Variants in KCTD8 observed in about 807,000 individuals in gnomAD.
KCTD8 encodes BTB/POZ domain-containing protein KCTD8.
Under a neutral mutation model 31.5 loss-of-function variants are expected in KCTD8, and 27 were observed. The observed-to-expected ratio is 0.86, with a 90% CI of 0.63 to 1.18. The LOEUF is 1.18. Ranked by LOEUF, KCTD8 falls within the 50% of genes most tolerant of loss-of-function variation. KCTD8 has a pLI of 0.00. For missense variants in KCTD8, 658 were observed against 647.7 expected (o/e 1.02, Z -0.17); for synonymous variants, 290 against 280.0 (o/e 1.04, Z -0.36).
At chr4:44,349,383 C>T (rs1432402887) in intron 1 of KCTD8, among the ~76,000 whole-genome samples, 1 of 152,126 alleles carries the variant, frequency 6.6e-6, no homozygotes, top group African/African-American at 2.4e-5. Context: ...AAGACAAAGC[C>T]TCAGCTAATC....
intron 1 of KCTD8, among the ~76,000 whole-genome samples, chr4:44,368,956 T>C (rs1472740630): frequency 1.3e-5 from 2 of 152,178 alleles, no homozygotes; most frequent in African/African-American, 2.4e-5. Context: ...GAGTCATCAG[T>C]ATAGCCACTC....
chr4:44,292,062 G>A lies in KCTD8; in HGVS notation c.962-116812C>T, dbSNP rs185024320. ...ATAAGTTATTCATCCACTGCGGAAA[G>A]CAGTACGCAGATTTAGTGAAGAACG... On this transcript the variant is annotated intron_variant, in intron 1 of 1. Transcript: ENST00000360029. 7.9e-5 allele frequency among the ~76,000 whole-genome samples: 12 copies of A among 151,074 alleles called. No homozygotes were observed. The East Asian group carries it at 2.3e-3, about 30-fold the overall frequency.
chr4:44,336,149 CAAAAAAAAAAAAAA>C (rs58161667), intron 1 of KCTD8, among the ~76,000 whole-genome samples: 1 of 46,526 alleles, frequency 2.1e-5, no homozygotes, highest in East Asian at 5.9e-4. Flanking sequence ...GACTCCGTCT[CAAAAAAAAAAAAAA>C]AAAAAAAAAA....
At chr4:44,350,857 T>C (rs894924035) in intron 1 of KCTD8, among the ~76,000 whole-genome samples, 1 of 152,176 alleles carries the variant, frequency 6.6e-6, no homozygotes, top group Non-Finnish European at 1.5e-5. Context: ...ATACCTACTC[T>C]GTTCTTCATT....
intron 1 of KCTD8, among the ~76,000 whole-genome samples, chr4:44,320,872 T>C (rs1718277127): frequency 6.6e-6 from 1 of 151,404 alleles, no homozygotes; most frequent in Non-Finnish European, 1.5e-5. Context: ...TAATGCACTT[T>C]GGTTTGTTTG....
At chr4:44,207,875 T>C (rs1241490470) in intron 1 of KCTD8, among the ~76,000 whole-genome samples, 5 of 152,142 alleles carry the variant, frequency 3.3e-5, no homozygotes, top group African/African-American at 1.2e-4. Context: ...GCAGTTTCAT[T>C]AGGTGCTACA....
At chr4:44,184,768 G>A (rs1471392169) in intron 1 of KCTD8, among the ~76,000 whole-genome samples, 1 of 152,108 alleles carries the variant, frequency 6.6e-6, no homozygotes, top group Non-Finnish European at 1.5e-5. Context: ...CATCTTTCAG[G>A]TTAGTAAATA....
chr4:44,249,281 G>T (rs1399195016), intron 1 of KCTD8, among the ~76,000 whole-genome samples: 1 of 151,734 alleles, frequency 6.6e-6, no homozygotes, highest in Non-Finnish European at 1.5e-5. Flanking sequence ...ACATTTCAAA[G>T]AAATTGGAGG....
intron 1 of KCTD8, among the ~76,000 whole-genome samples, chr4:44,303,254 C>T (rs1012209812): frequency 6.6e-6 from 1 of 152,106 alleles, no homozygotes; most frequent in African/African-American, 2.4e-5. Context: ...AGGGAGGATT[C>T]CCTCTTTTTC....
In KCTD8 at chr4:44,405,100, T is replaced by C. The variant is rs147614903; in HGVS notation, c.961+42463A>G. On this transcript the variant is annotated intron_variant, in intron 1 of 1. Coordinates refer to ENST00000360029, the MANE Select transcript of KCTD8 (RefSeq NM_198353.3). ...AATTTCTGCTTTCAGTGATCTAATA[T>C]TCATGGCCAAACATACCAGCTTTTG... 4.4e-4 allele frequency among the ~76,000 whole-genome samples: 67 copies of C among 152,276 alleles called. 1 individual carries two copies. The highest frequency in any genetic ancestry group is 1.6e-3 in the African/African-American group (66 of 41,558).
chr4:44,283,628 G>C (rs918378857), intron 1 of KCTD8, among the ~76,000 whole-genome samples: 5 of 152,032 alleles, frequency 3.3e-5, no homozygotes, highest in Admixed American at 2.0e-4. Context: ...TTTACAGCAT[G>C]GTTTACTATT....
chr4:44,260,423 A>G (rs1716128334), intron 1 of KCTD8, among the ~76,000 whole-genome samples: 2 of 151,954 alleles, frequency 1.3e-5, no homozygotes, highest in Non-Finnish European at 2.9e-5. Context: ...CAAAATAATA[A>G]ACAAAAGTAT....
intron 1 of KCTD8, among the ~76,000 whole-genome samples, chr4:44,308,699 T>G (rs1412211383): frequency 3.3e-5 from 5 of 152,080 alleles, no homozygotes; most frequent in Non-Finnish European, 5.9e-5. Context: ...AACAAAGCAT[T>G]GTTAAAGATA....
chr4:44,185,134 A>T (rs188073391), intron 1 of KCTD8, among the ~76,000 whole-genome samples: 179 of 152,362 alleles, frequency 1.2e-3, no homozygotes, highest in African/African-American at 3.9e-3. Context: ...CATTCTACAA[A>T]TCAGTATCTT....
At chr4:44,438,117 T>C (rs182242116) in intron 1 of KCTD8, among the ~76,000 whole-genome samples, 1 of 152,118 alleles carries the variant, frequency 6.6e-6, no homozygotes, top group African/African-American at 2.4e-5. Flanking sequence ...GATCAGAATA[T>C]TGGAGAATTA....
chr4:44,277,353 T>C (rs1295926790), intron 1 of KCTD8, among the ~76,000 whole-genome samples: 1 of 151,958 alleles, frequency 6.6e-6, no homozygotes, highest in Non-Finnish European at 1.5e-5. Flanking sequence ...TTTAATTTTG[T>C]TTAATCTTAT....
intron 1 of KCTD8, among the ~76,000 whole-genome samples, chr4:44,433,448 A>C (rs1577670290): frequency 1.3e-5 from 2 of 151,924 alleles, no homozygotes; most frequent in East Asian, 3.9e-4. Flanking sequence ...CATGGGACCC[A>C]GAATGACTGA....
At chr4:44,393,426 T>C (rs554722641) in intron 1 of KCTD8, among the ~76,000 whole-genome samples, 1 of 151,698 alleles carries the variant, frequency 6.6e-6, no homozygotes, top group South Asian at 2.1e-4. Context: ...CTAAATATGG[T>C]TGATGAAGGG....
At chr4:44,276,864 T>G (rs1387952) in intron 1 of KCTD8, among the ~76,000 whole-genome samples, 105,002 of 151,710 alleles carry the variant, frequency 0.69, 36,456 homozygotes, top group African/African-American at 0.75. Flanking sequence ...AAATAATTTT[T>G]TCAGACAAAG....
Sources: gnomAD v4.1 joint callset for allele counts (sites outside exome capture counted in the v4.1 genomes callset) on GRCh38, gnomAD v4.1.1 for gene constraint, MANE v1.5 for transcripts, NCBI Gene and HGNC (gene_info 2026-07-23, HGNC 2026-07-21) for gene names.